LINGO2: variants seen among roughly 807,000 people sequenced by gnomAD.
The protein encoded by LINGO2 is leucine rich repeat and Ig domain containing 2, also known as leucine-rich repeat and immunoglobulin-like domain-containing nogo receptor-interacting protein 2.
Under a neutral mutation model 30.6 loss-of-function variants are expected in LINGO2, and 14 were observed. The observed-to-expected ratio is 0.46, with a 90% CI of 0.30 to 0.72. LINGO2 has a LOEUF of 0.72. Among genes scored for constraint, LINGO2 ranks in the 30% least tolerant of loss-of-function variants. The pLI is 0.07. For synonymous variants in LINGO2, 317 were observed against 288.5 expected (o/e 1.10, Z -1.00); for missense variants, 729 against 751.7 (o/e 0.97, Z 0.35).
intron 1 of LINGO2, among the ~76,000 whole-genome samples, chr9:28,610,042 C>T (rs960186250): frequency 2.0e-5 from 3 of 151,968 alleles, no homozygotes; most frequent in African/African-American, 7.2e-5. Context: ...AGGACACATA[C>T]CCAACTGTTA....
intron 2 of LINGO2, among the ~76,000 whole-genome samples, chr9:28,373,101 A>G (rs979801468): frequency 2.2e-4 from 34 of 152,112 alleles, no homozygotes; most frequent in African/African-American, 8.2e-4. Flanking sequence ...TGCTTTTTAA[A>G]ATTTCTTATG....
chr9:28,755,438 A>T, the LINGO2 span, among the ~76,000 whole-genome samples: 1 of 152,106 alleles, frequency 6.6e-6, no homozygotes, highest in African/African-American at 2.4e-5. Flanking sequence ...TTAATGTATA[A>T]ATTAAAAGAA....
At chr9:28,477,907 A>AT (rs1221860569) in intron 1 of LINGO2, among the ~76,000 whole-genome samples, 3 of 152,142 alleles carry the variant, frequency 2.0e-5, no homozygotes, top group African/African-American at 7.2e-5. Flanking sequence ...ACATTACCGT[A>AT]TATAGTTCTT....
chr9:28,604,326 CTG>C (rs1437755676), intron 1 of LINGO2, among the ~76,000 whole-genome samples: 18 of 152,038 alleles, frequency 1.2e-4, no homozygotes, highest in African/African-American at 4.3e-4. Flanking sequence ...TATAAATTAA[CTG>C]TGTCCAAAGA....
the LINGO2 span, among the ~76,000 whole-genome samples, chr9:28,881,171 G>C: frequency 6.6e-6 from 1 of 151,942 alleles, no homozygotes; most frequent in Non-Finnish European, 1.5e-5. Context: ...CATCCCACCC[G>C]ACTAGAAATA....
At chr9:28,053,885 A>G (rs1170697041) in intron 4 of LINGO2, among the ~76,000 whole-genome samples, 1 of 152,086 alleles carries the variant, frequency 6.6e-6, no homozygotes, top group Non-Finnish European at 1.5e-5. Flanking sequence ...TGTTTGTCTT[A>G]TCAATAGCTA....
chr9:29,037,133 A>AT, the LINGO2 span, among the ~76,000 whole-genome samples: 1 of 151,678 alleles, frequency 6.6e-6, no homozygotes, highest in Non-Finnish European at 1.5e-5. Flanking sequence ...ACAAATTTTA[A>AT]TGTTGTTATC....
the LINGO2 span, among the ~76,000 whole-genome samples, chr9:28,868,947 T>C: frequency 3.3e-5 from 5 of 152,230 alleles, no homozygotes; most frequent in African/African-American, 1.2e-4. Flanking sequence ...ATATATTTGA[T>C]GGAATTTATA....
At chr9:29,173,346 A>G in the LINGO2 span, among the ~76,000 whole-genome samples, 2 of 152,070 alleles carry the variant, frequency 1.3e-5, no homozygotes, top group Admixed American at 6.5e-5. Context: ...ATTAACATCA[A>G]TAGACATGCT....
intron 4 of LINGO2, among the ~76,000 whole-genome samples, chr9:28,260,688 C>G (rs1327107228): frequency 1.3e-5 from 2 of 151,888 alleles, no homozygotes; most frequent in African/African-American, 4.8e-5. Flanking sequence ...ATACCTATAC[C>G]TGTACATCAA....
intron 4 of LINGO2, among the ~76,000 whole-genome samples, chr9:28,079,403 G>A (rs151177688): frequency 1.1e-4 from 16 of 152,168 alleles, no homozygotes; most frequent in South Asian, 2.1e-4. Context: ...ACTGTGAGCC[G>A]TTCGTTTTTA....
the LINGO2 span, among the ~76,000 whole-genome samples, chr9:29,061,218 G>T: frequency 6.6e-6 from 1 of 151,848 alleles, no homozygotes; most frequent in South Asian, 2.1e-4. Context: ...AATCTCAAAA[G>T]CACTGTGAAA....
At chr9:28,744,879 C>T in the LINGO2 span, among the ~76,000 whole-genome samples, 263 of 151,948 alleles carry the variant, frequency 1.7e-3, 1 homozygote, top group Admixed American at 3.0e-3. Context: ...TCGTGATCCA[C>T]TCACCAAGGC....
At chr9:28,541,527 A>C (rs537384994) in intron 1 of LINGO2, among the ~76,000 whole-genome samples, 23 of 152,334 alleles carry the variant, frequency 1.5e-4, no homozygotes, top group African/African-American at 5.3e-4. Flanking sequence ...CCAGATGAGG[A>C]AGAAAACTTC....
intron 4 of LINGO2, among the ~76,000 whole-genome samples, chr9:28,245,287 G>T (rs1821956838): frequency 6.6e-6 from 1 of 152,030 alleles, no homozygotes; most frequent in Non-Finnish European, 1.5e-5. Context: ...AATAAACTAG[G>T]TATTGATGGA....
intron 3 of LINGO2, among the ~76,000 whole-genome samples, chr9:28,320,913 C>A (rs1825018046): frequency 6.6e-6 from 1 of 152,102 alleles, no homozygotes; most frequent in African/African-American, 2.4e-5. Context: ...ATGGCAGATT[C>A]TTATAGCACA....
chr9:28,907,803 A>G, the LINGO2 span, among the ~76,000 whole-genome samples: 1 of 151,732 alleles, frequency 6.6e-6, no homozygotes, highest in Non-Finnish European at 1.5e-5. Flanking sequence ...AATAGTTGAT[A>G]GGGGCTAATG....
At chr9:28,940,897 T>C in the LINGO2 span, among the ~76,000 whole-genome samples, 21 of 152,224 alleles carry the variant, frequency 1.4e-4, no homozygotes, top group African/African-American at 4.8e-4. Context: ...AGTTATGCAA[T>C]TAATTTTATT....
intron 4 of LINGO2, among the ~76,000 whole-genome samples, chr9:28,273,986 A>G (rs983109358): frequency 2.0e-5 from 3 of 152,186 alleles, no homozygotes; most frequent in Non-Finnish European, 4.4e-5. Flanking sequence ...ATATAATGGC[A>G]CAGACTGAGC....
Sources: allele counts gnomAD v4.1 joint callset (sites outside exome capture counted in the v4.1 genomes callset), GRCh38; gene constraint gnomAD v4.1.1; transcripts MANE v1.5; gene names NCBI Gene and HGNC (gene_info 2026-07-23, HGNC 2026-07-21).